The following GABRA2 variants were observed in gnomAD, a reference collection of about 807,000 sequenced individuals.
The protein encoded by GABRA2 is gamma-aminobutyric acid receptor subunit alpha-2.
A neutral mutation model predicts 48.7 loss-of-function variants in GABRA2; 16 were observed. That is an observed-to-expected ratio of 0.33 (90% CI 0.22 to 0.50). The LOEUF is 0.50. Ranked by LOEUF, GABRA2 falls within the 20% of genes least tolerant of loss-of-function variation. The probability of loss-of-function intolerance (pLI) is 0.98; values close to 1 mark genes in which losing one functional copy is unlikely to be tolerated. For synonymous variants in GABRA2, 185 were observed against 184.5 expected, an observed-to-expected ratio of 1.00 and a Z score of -0.02; for missense variants, 275 against 535.6, an observed-to-expected ratio of 0.51 and a Z score of 4.80.
intron 8 of GABRA2, among the ~76,000 whole-genome samples, chr4:46,281,631 G>A (rs1275797800): frequency 6.6e-6 from 1 of 152,318 alleles, no homozygotes; most frequent in Non-Finnish European, 1.5e-5. Context: ...GTATTTAGCA[G>A]TGTGGCAGAC....
chr4:46,296,965 G>C (rs536746443), intron 8 of GABRA2, among the ~76,000 whole-genome samples: 1 of 152,044 alleles, frequency 6.6e-6, no homozygotes, highest in Non-Finnish European at 1.5e-5. Context: ...GTGCATTTCC[G>C]GTTGTACGAA....
chr4:46,315,684 A>C (rs548761974), intron 4 of GABRA2, among the ~76,000 whole-genome samples: 6 of 152,134 alleles, frequency 3.9e-5, no homozygotes, highest in African/African-American at 1.4e-4. Context: ...AATAGCTTAT[A>C]AATCTTCAAG....
chr4:46,326,199 A>G (rs1282134490), intron 4 of GABRA2, among the ~76,000 whole-genome samples: 2 of 151,906 alleles, frequency 1.3e-5, no homozygotes, highest in Non-Finnish European at 2.9e-5. Context: ...CTACTTTGTG[A>G]CCTTAGAAAA....
At position 46,250,582 on chromosome 4, in the gene GABRA2, A is replaced by G; in HGVS notation, c.1082T>C (p.Met361Thr). 6.3e-7 allele frequency: 1 copy of G among 1,598,736 alleles called. No individual in the cohort carries two copies. The highest frequency in any genetic ancestry group is 1.1e-5 in the South Asian group (1 of 88,146). Reference sequence around the variant, plus strand: ...CACTGCATAAGCGTTGTTCTGTATCATAACGGAAGCCTTTTCTTTTTTCTA... The same window carrying G: ...CACTGCATAAGCGTTGTTCTGTATCGTAACGGAAGCCTTTTCTTTTTTCTA... The part of the protein sequence containing the change: ...NDKKKEKASV[M>T]IQNNAYAVAV... The change falls in exon 10 of 10, where the codon ATG (methionine) becomes ACG (threonine). Residue 361 changes from methionine (M) to threonine (T), a missense_variant. Met to Thr is a moderately conservative substitution (Grantham distance 81, BLOSUM62 -1). Transcript: ENST00000381620.
At chr4:46,358,957 A>G (rs1364500138) in intron 3 of GABRA2, among the ~76,000 whole-genome samples, 3 of 152,196 alleles carry the variant, frequency 2.0e-5, no homozygotes, top group Non-Finnish European at 4.4e-5. Flanking sequence ...ATAACTTTCA[A>G]ATACAGCTCA....
rs1014282627 is a variant in GABRA2, at chr4:46,390,060, G to GC, written c.-337_-336insG. The GC allele has an allele frequency of 3.9e-5, 9 of 230,334 alleles. No individual in the cohort carries two copies. The highest frequency in any genetic ancestry group is 2.0e-4 in the African/African-American group (8 of 40,388). 14.3% of individuals were successfully genotyped at this position (230,334 alleles called of 1,614,324 possible). A position where few individuals can be genotyped will look rare whatever the true frequency, so the allele number is the denominator to read the frequency against. On this transcript the variant is annotated 5_prime_UTR_variant, in exon 1 of 10. Coordinates refer to ENST00000381620, the MANE Select transcript of GABRA2 (RefSeq NM_000807.4). ...ACGATGACAGGAGCTGGGGCCGGGG[G>GC]GGGAAATTGGGGGGACGCGGGCGGA...
intron 6 of GABRA2, among the ~76,000 whole-genome samples, chr4:46,308,971 G>A (rs1362410465): frequency 2.0e-5 from 3 of 151,924 alleles, no homozygotes; most frequent in African/African-American, 7.3e-5. Flanking sequence ...CTTATGTAAT[G>A]GAAATAAGTC....
chr4:46,372,234 C>A (rs556236035), intron 3 of GABRA2, among the ~76,000 whole-genome samples: 2 of 152,218 alleles, frequency 1.3e-5, no homozygotes, highest in Non-Finnish European at 2.9e-5. Flanking sequence ...TTATTTAGGG[C>A]AGAAATGTGC....
chr4:46,346,972 A>G (rs1395501253), intron 3 of GABRA2, among the ~76,000 whole-genome samples: 1 of 151,964 alleles, frequency 6.6e-6, no homozygotes. Context: ...GCATTTCTAT[A>G]TACTAACAAT....
chr4:46,307,455 T>C (rs1357022068), intron 6 of GABRA2, among the ~76,000 whole-genome samples: 7 of 144,714 alleles, frequency 4.8e-5, no homozygotes, highest in Non-Finnish European at 7.6e-5. Flanking sequence ...TTTTTTTTTT[T>C]AGCGGAACGA....
intron 5 of GABRA2, among the ~76,000 whole-genome samples, 163 bp from the exon 6 acceptor site, chr4:46,310,418 C>T (rs1023614610): frequency 5.3e-5 from 8 of 152,062 alleles, no homozygotes; most frequent in Non-Finnish European, 4.4e-5. Context: ...GGTGATCCCT[C>T]GGAAGACATT....
intron 3 of GABRA2, among the ~76,000 whole-genome samples, chr4:46,333,471 G>A (rs1379692071): frequency 2.0e-5 from 3 of 151,904 alleles, no homozygotes; most frequent in South Asian, 2.1e-4. Context: ...AAAAAAACAC[G>A]TCATTAATGT....
intron 8 of GABRA2, among the ~76,000 whole-genome samples, chr4:46,279,802 C>A (rs1167093210): frequency 6.6e-6 from 1 of 151,940 alleles, no homozygotes; most frequent in East Asian, 1.9e-4. Flanking sequence ...TTGATGAAAC[C>A]ACTTATTAAT....
In GABRA2 at chr4:46,249,574, G is replaced by T. The variant is rs1577738436; in HGVS notation, c.*734C>A. The T allele has an allele frequency of 6.6e-6, 1 of 151,028 alleles. No individual in the cohort carries two copies. Among genetic ancestry groups the T allele is most frequent in the East Asian group, 2.0e-4 (1 of 5,094 alleles). The allele number at this position is 151,028 out of a possible 1,614,324, so 9.4% of individuals were successfully genotyped here. On this transcript the variant is annotated 3_prime_UTR_variant, in exon 10 of 10. Coordinates refer to ENST00000381620, the MANE Select transcript of GABRA2 (RefSeq NM_000807.4). ...TTTCTTTTCTTTTTTTTTAATTAAG[G>T]TAGTTTCCAATGATTAAAATAAATT...
intron 8 of GABRA2, among the ~76,000 whole-genome samples, chr4:46,263,690 G>C (rs553807507): frequency 6.6e-6 from 1 of 152,046 alleles, no homozygotes; most frequent in African/African-American, 2.4e-5. Context: ...TTATTCATCA[G>C]TCTTAGTTTT....
rs114896882 is a variant in GABRA2, at chr4:46,346,148, A to G, written c.188-13466T>C. Among the ~76,000 whole-genome samples, 174 of 152,084 alleles carry G rather than the reference A, an allele frequency of 1.1e-3. 1 individual carries two copies. Among genetic ancestry groups the G allele is most frequent in the African/African-American group, 4.0e-3 (168 of 41,544 alleles). The stretch of plus-strand genomic sequence containing the variant: ...TACATGTGCCATTTGTCATCCATCA[A>G]TTGAATTAAAGTCAACAAATACTTA... On this transcript the variant is annotated intron_variant, in intron 3 of 9. Transcript: ENST00000381620.
intron 3 of GABRA2, among the ~76,000 whole-genome samples, chr4:46,374,302 C>G (rs1203865847): frequency 6.6e-6 from 1 of 152,138 alleles, no homozygotes; most frequent in African/African-American, 2.4e-5. Context: ...CATTTGTCTT[C>G]CTCCTCTAAA....
chr4:46,305,426 AAAC>A, intron 7 of GABRA2, 139 bp downstream of exon 7: 1 of 688,968 alleles, frequency 1.5e-6, no homozygotes, highest in Non-Finnish European at 2.4e-6. Flanking sequence ...AAAAAAAAAA[AAAC>A]AAGCTCCCAA....
chr4:46,308,263 C>T (rs1277815613), intron 6 of GABRA2, among the ~76,000 whole-genome samples: 3 of 151,904 alleles, frequency 2.0e-5, no homozygotes, highest in African/African-American at 7.3e-5. Context: ...TAAAGGTATG[C>T]GGCAATAGGA....
Sources: gnomAD v4.1 joint callset for allele counts (sites outside exome capture counted in the v4.1 genomes callset) on GRCh38, gnomAD v4.1.1 for gene constraint, MANE v1.5 for transcripts, NCBI Gene and HGNC (gene_info 2026-07-23, HGNC 2026-07-21) for gene names.